Variants in DMXL1 observed in about 807,000 individuals in gnomAD.
The protein encoded by DMXL1 is dmX-like protein 1.
DMXL1 carries 99 observed loss-of-function variants against 319.2 expected under a neutral mutation model. The observed-to-expected ratio is 0.31, with a 90% CI of 0.26 to 0.37. The LOEUF (loss-of-function observed/expected upper bound fraction) is 0.37. DMXL1 is among the 10% of genes least tolerant of loss of function. The pLI is 1.00. For synonymous variants in DMXL1, 1,385 were observed against 1,235.2 expected, an observed-to-expected ratio of 1.12 and a Z score of -2.54; for missense variants, 3,745 against 3,595.6, an observed-to-expected ratio of 1.04 and a Z score of -1.06.
At chr5:119,201,066 T>C (rs1217414910) in intron 32 of DMXL1, among the ~76,000 whole-genome samples, 1 of 152,216 alleles carries the variant, frequency 6.6e-6, no homozygotes, top group Non-Finnish European at 1.5e-5. Context: ...TATTTCTTCC[T>C]CTTTCCTGCT....
intron 2 of DMXL1, among the ~76,000 whole-genome samples, chr5:119,098,686 G>A (rs1756543372): frequency 1.3e-5 from 2 of 152,196 alleles, no homozygotes; most frequent in African/African-American, 2.4e-5. Flanking sequence ...AATTCTTCTA[G>A]ATCAGGTTAA....
At position 119,216,951 on chromosome 5, in the gene DMXL1, G is replaced by A. The variant is rs767496994; in HGVS notation, c.7977G>A (p.Lys2659=). 1.2e-6 allele frequency: 2 copies of A among 1,600,346 alleles called. No homozygotes were observed. The highest frequency in any genetic ancestry group is 1.3e-5 in the African/African-American group (1 of 74,438). The part of the protein sequence containing the change: ...YPGGKARIIH[K]ESDIITAFAV... Reference sequence around the variant, plus strand: ...GAGGTAAAGCAAGAATTATTCATAAGGAATCTGATATCATTACTGCGTTTG... The same window carrying A: ...GAGGTAAAGCAAGAATTATTCATAAAGAATCTGATATCATTACTGCGTTTG... Residue 2659 remains lysine, a synonymous_variant, in exon 35 of 44, where the codon AAG becomes AAA. Coordinates refer to ENST00000539542, the MANE Select transcript of DMXL1 (RefSeq NM_001290321.3).
chr5:119,084,836 C>G (rs1279937079), intron 1 of DMXL1, among the ~76,000 whole-genome samples: 1 of 149,918 alleles, frequency 6.7e-6, no homozygotes, highest in Non-Finnish European at 1.5e-5. Context: ...TGCACTCCAC[C>G]CTGGGCAACA....
At chr5:119,210,417 A>T (rs1184287393) in intron 34 of DMXL1, among the ~76,000 whole-genome samples, 2 of 152,220 alleles carry the variant, frequency 1.3e-5, no homozygotes, top group African/African-American at 4.8e-5. Context: ...TATTACATTT[A>T]GGTCTAATCC....
chr5:119,208,730 C>T lies in DMXL1; in HGVS notation c.7926+1834C>T, dbSNP rs146643760. ...GTAAGGTATGCCTGACCTAAAATAA[C>T]TACATATATTTAAAGTGTACAACTT... On this transcript the variant is annotated intron_variant, in intron 34 of 43. Transcript: ENST00000539542. 7.6e-4 allele frequency among the ~76,000 whole-genome samples: 116 copies of T among 152,106 alleles called. 2 individuals carry two copies. The East Asian group carries it at 0.019, about 26-fold the overall frequency.
chr5:119,077,865 G>A (rs1260310274), intron 1 of DMXL1, among the ~76,000 whole-genome samples: 2 of 125,136 alleles, frequency 1.6e-5, no homozygotes, highest in Non-Finnish European at 3.4e-5. Context: ...ATATACGTGT[G>A]TGTGTGTGTG....
At chr5:119,125,324 A>G (rs764488723) in intron 9 of DMXL1, among the ~76,000 whole-genome samples, 2 of 152,214 alleles carry the variant, frequency 1.3e-5, no homozygotes, top group Non-Finnish European at 2.9e-5. Context: ...AGTTTTGCCT[A>G]GGAATGATCT....
Position 119,170,697 on chromosome 5 carries a change from A to G in DMXL1, c.5906A>G (p.Asp1969Gly). ...FQDDSLELKW[D>G]SDNDEENEDV... ...GATGACTCTTTAGAGTTAAAATGGG[A>G]CAGTGATAATGATGAAGAAAATGAG... is the stretch of plus-strand genomic sequence containing the variant. Residue 1969 changes from aspartate to glycine, a missense_variant, in exon 24 of 44, where the codon GAC becomes GGC. By Grantham distance (94) the Asp-to-Gly change is moderately conservative. Coordinates refer to ENST00000539542, the MANE Select transcript of DMXL1 (RefSeq NM_001290321.3). 6.2e-7 allele frequency: 1 copy of G among 1,613,476 alleles called. No homozygotes were observed. Among genetic ancestry groups the G allele is most frequent in the Non-Finnish European group, 8.5e-7 (1 of 1,179,854 alleles).
intron 1 of DMXL1, among the ~76,000 whole-genome samples, chr5:119,086,305 G>T (rs2149714926): frequency 6.6e-6 from 1 of 152,292 alleles, no homozygotes; most frequent in Non-Finnish European, 1.5e-5. Flanking sequence ...TGGAAATTAT[G>T]GGAGTACCAT....
At chr5:119,122,449 C>A (rs981253252) in intron 9 of DMXL1, among the ~76,000 whole-genome samples, 1 of 151,312 alleles carries the variant, frequency 6.6e-6, no homozygotes, top group African/African-American at 2.4e-5. Flanking sequence ...GCTAACCCCC[C>A]CCACCTCCCT....
chr5:119,210,925 A>G (rs1489892743), intron 34 of DMXL1, among the ~76,000 whole-genome samples: 1 of 150,634 alleles, frequency 6.6e-6, no homozygotes, highest in East Asian at 1.9e-4. Context: ...GATGCCCTTT[A>G]TAAGTTTGAG....
intron 5 of DMXL1, among the ~76,000 whole-genome samples, chr5:119,111,838 A>G (rs1264690642): frequency 6.6e-6 from 1 of 152,268 alleles, no homozygotes; most frequent in Non-Finnish European, 1.5e-5. Flanking sequence ...AAGTGCAATA[A>G]GAGGTGATCT....
chr5:119,207,460 A>G (rs551291035), intron 34 of DMXL1, among the ~76,000 whole-genome samples: 43 of 152,274 alleles, frequency 2.8e-4, no homozygotes, highest in South Asian at 1.0e-3. Flanking sequence ...AAAGATGAGA[A>G]TCTGTATAAT....
intron 7 of DMXL1, among the ~76,000 whole-genome samples, chr5:119,117,599 AG>A: frequency 6.6e-6 from 1 of 152,112 alleles, no homozygotes; most frequent in East Asian, 1.9e-4. Context: ...AGGGGACAGA[AG>A]GAGAGAGGTA....
intron 29 of DMXL1, among the ~76,000 whole-genome samples, chr5:119,192,061 TC>T (rs1778790782): frequency 6.6e-6 from 1 of 152,224 alleles, no homozygotes; most frequent in Admixed American, 6.5e-5. Flanking sequence ...TTGTTGGTCT[TC>T]CAAGGTTTTC....
chr5:119,209,313 A>G (rs1162336828), intron 34 of DMXL1, among the ~76,000 whole-genome samples: 1 of 150,180 alleles, frequency 6.7e-6, no homozygotes, highest in Non-Finnish European at 1.5e-5. Flanking sequence ...CCATTTATGT[A>G]TATTCTCAAT....
intron 1 of DMXL1, among the ~76,000 whole-genome samples, chr5:119,079,622 C>T (rs921086856): frequency 3.3e-5 from 5 of 152,212 alleles, no homozygotes; most frequent in African/African-American, 1.2e-4. Context: ...CTGGTAACCA[C>T]ATTGATGCTA....
intron 13 of DMXL1, among the ~76,000 whole-genome samples, chr5:119,142,914 A>G (rs758087387): frequency 6.6e-6 from 1 of 152,066 alleles, no homozygotes; most frequent in African/African-American, 2.4e-5. Flanking sequence ...GCATTCATAA[A>G]GCAACTTCTT....
intron 23 of DMXL1, among the ~76,000 whole-genome samples, chr5:119,169,758 G>A (rs181305337): frequency 6.6e-6 from 1 of 151,976 alleles, no homozygotes; most frequent in African/African-American, 2.4e-5. Flanking sequence ...AAGTCATGGG[G>A]ACTATATGAA....
Sources: gnomAD v4.1 joint callset for allele counts (sites outside exome capture counted in the v4.1 genomes callset) on GRCh38, gnomAD v4.1.1 for gene constraint, MANE v1.5 for transcripts, NCBI Gene and HGNC (gene_info 2026-07-23, HGNC 2026-07-21) for gene names.